IL1RAPL2: variants seen among roughly 807,000 people sequenced by gnomAD.
IL1RAPL2 encodes the protein X-linked interleukin-1 receptor accessory protein-like 2.
In IL1RAPL2, 3 loss-of-function variants were observed where a neutral mutation model predicts 44.1. The observed-to-expected ratio is 0.07, with a 90% CI of 0.03 to 0.18. IL1RAPL2 has a LOEUF of 0.18. Ranked by LOEUF, IL1RAPL2 falls within the 10% of genes least tolerant of loss-of-function variation. The pLI is 1.00. For missense variants in IL1RAPL2, 391 were observed against 496.4 expected, an observed-to-expected ratio of 0.79 and a Z score of 2.02; for synonymous variants, 181 against 178.8, an observed-to-expected ratio of 1.01 and a Z score of -0.10.
At chrX:104,747,154 A>G (rs1417684349) in intron 2 of IL1RAPL2, among the ~76,000 whole-genome samples, 1 of 110,069 alleles carries the variant, frequency 9.1e-6, no homozygotes, top group Admixed American at 9.7e-5. Context: ...TTTTCCCTCT[A>G]CTTGTCTCCA....
chrX:104,839,428 A>C (rs924498114), intron 2 of IL1RAPL2, among the ~76,000 whole-genome samples: 1 of 111,844 alleles, frequency 8.9e-6, no homozygotes, highest in Non-Finnish European at 1.9e-5. Context: ...CATCCCAGGG[A>C]TGAAGTTGAC....
chrX:105,173,070 G>C (rs1323843510), intron 2 of IL1RAPL2, among the ~76,000 whole-genome samples: 1 of 111,032 alleles, frequency 9.0e-6, no homozygotes, highest in South Asian at 3.9e-4. Context: ...ACAATGACTA[G>C]GGGTGAGGAC....
chrX:104,815,347 G>A (rs767354034), intron 2 of IL1RAPL2, among the ~76,000 whole-genome samples: 5 of 110,932 alleles, frequency 4.5e-5, no homozygotes, highest in East Asian at 5.7e-4. Flanking sequence ...AAACTCTAGG[G>A]GAGAATTAGT....
At chrX:105,202,166 T>C (rs2033722984) in intron 3 of IL1RAPL2, among the ~76,000 whole-genome samples, 1 of 112,422 alleles carries the variant, frequency 8.9e-6, no homozygotes, top group South Asian at 3.7e-4. Context: ...AATTTCAACT[T>C]CATTCAGTTT....
intron 5 of IL1RAPL2, among the ~76,000 whole-genome samples, chrX:105,272,111 A>G (rs1249528390): frequency 1.2e-5 from 1 of 82,436 alleles, no homozygotes; most frequent in Non-Finnish European, 2.2e-5. Context: ...GAAGGGGAAT[A>G]TCACACTCTG....
At chrX:105,315,826 C>CTCTCCA (rs2034836563) in intron 5 of IL1RAPL2, among the ~76,000 whole-genome samples, 2 of 105,720 alleles carry the variant, frequency 1.9e-5, no homozygotes, top group Non-Finnish European at 3.9e-5. Flanking sequence ...TAAGCAGTTA[C>CTCTCCA]TCTCCATCTC....
chrX:105,675,735 G>A lies in IL1RAPL2; in HGVS notation c.773-41632G>A, dbSNP rs751509000. On this transcript the variant is annotated intron_variant, in intron 6 of 10. Coordinates refer to ENST00000372582, the MANE Select transcript of IL1RAPL2 (RefSeq NM_017416.2). ...ATTTGGAGTAGTTTCAGAAGAAATGGTATCAGCTCCTCTTTATATTTATGG... is the reference window on the plus strand; with the variant it reads ...ATTTGGAGTAGTTTCAGAAGAAATGATATCAGCTCCTCTTTATATTTATGG... 1.2e-4 allele frequency among the ~76,000 whole-genome samples: 13 copies of A among 111,331 alleles called. No individual in the cohort carries two copies. The South Asian group carries it at 5.0e-3, about 42-fold the overall frequency.
chrX:105,121,769 A>G (rs778554185), intron 2 of IL1RAPL2, among the ~76,000 whole-genome samples: 1 of 111,461 alleles, frequency 9.0e-6, no homozygotes, highest in Non-Finnish European at 1.9e-5. Flanking sequence ...TTATTCGATC[A>G]AAGCAAAGTG....
chrX:105,477,907 A>G (rs2036208605), intron 5 of IL1RAPL2, among the ~76,000 whole-genome samples: 1 of 112,019 alleles, frequency 8.9e-6, no homozygotes, highest in Non-Finnish European at 1.9e-5. Context: ...TCCAGTGACT[A>G]TTTCAGAACT....
At chrX:105,644,658 G>A (rs141512430) in intron 6 of IL1RAPL2, among the ~76,000 whole-genome samples, 1,117 of 110,287 alleles carry the variant, frequency 0.01, 10 homozygotes, top group African/African-American at 0.035. Flanking sequence ...TGCAGAACGC[G>A]CAGGTTTGTT....
chrX:104,640,775 G>A (rs1454926970), intron 1 of IL1RAPL2, among the ~76,000 whole-genome samples: 1 of 112,228 alleles, frequency 8.9e-6, no homozygotes, highest in African/African-American at 3.2e-5. Context: ...CATCGTTAAT[G>A]CCTGTGATTT....
rs1185727702 is a variant in IL1RAPL2, at chrX:104,604,514, A to T, written c.-20+37463A>T. ...CCAGTTAAAAGACACAGACTGGCAT[A>T]TTGGATAAAGAGTCAAGACCCATCA... On this transcript the variant is annotated intron_variant, in intron 1 of 10. Coordinates refer to ENST00000372582, the MANE Select transcript of IL1RAPL2 (RefSeq NM_017416.2). Among the ~76,000 whole-genome samples the T allele has an allele frequency of 2.8e-5, 3 of 108,941 alleles. No homozygotes were observed. In the Admixed American group the frequency reaches 3.0e-4, roughly 11 times the overall value. 94.6% of individuals were successfully genotyped at this position (108,941 alleles called of 115,157 possible).
intron 2 of IL1RAPL2, among the ~76,000 whole-genome samples, chrX:104,956,262 A>C (rs1030480124): frequency 8.0e-5 from 9 of 111,912 alleles, no homozygotes; most frequent in Admixed American, 3.8e-4. Flanking sequence ...TCCCAGCAGC[A>C]CTACTGACTG....
At chrX:105,331,962 G>C (rs770745669) in intron 5 of IL1RAPL2, among the ~76,000 whole-genome samples, 1 of 109,761 alleles carries the variant, frequency 9.1e-6, no homozygotes, top group Non-Finnish European at 1.9e-5. Context: ...TCTTGCCGCT[G>C]TCTCTTCAAG....
At chrX:104,992,805 A>G (rs761709714) in intron 2 of IL1RAPL2, among the ~76,000 whole-genome samples, 1 of 110,675 alleles carries the variant, frequency 9.0e-6, no homozygotes, top group Admixed American at 9.6e-5. Context: ...ATTGGTTTAC[A>G]ATTATACCAA....
chrX:105,415,314 C>A (rs1490550784), intron 5 of IL1RAPL2, among the ~76,000 whole-genome samples: 2 of 111,259 alleles, frequency 1.8e-5, no homozygotes, highest in Non-Finnish European at 3.8e-5. Context: ...GAAAGCAAAG[C>A]AAAACCAGCA....
chrX:105,034,246 G>T (rs147206880), intron 2 of IL1RAPL2, among the ~76,000 whole-genome samples: 1 of 112,195 alleles, frequency 8.9e-6, no homozygotes, highest in Non-Finnish European at 1.9e-5. Flanking sequence ...TCTCCATCCA[G>T]CTTTGTTCTG....
chrX:105,546,939 C>T (rs186003309), intron 6 of IL1RAPL2, among the ~76,000 whole-genome samples: 35 of 111,918 alleles, frequency 3.1e-4, no homozygotes, highest in Admixed American at 2.2e-3. Context: ...TACATTTTCT[C>T]TTTTATTATT....
chrX:105,583,855 A>G (rs1006355493), intron 6 of IL1RAPL2, among the ~76,000 whole-genome samples: 4 of 112,000 alleles, frequency 3.6e-5, no homozygotes, highest in Non-Finnish European at 7.5e-5. Context: ...AGAACTCTGC[A>G]TAATATAATC....
Sources: gnomAD v4.1 joint callset for allele counts (sites outside exome capture counted in the v4.1 genomes callset) on GRCh38, gnomAD v4.1.1 for gene constraint, MANE v1.5 for transcripts, NCBI Gene and HGNC (gene_info 2026-07-23, HGNC 2026-07-21) for gene names.